Variants in SYNE1 observed in about 807,000 individuals in gnomAD.
SYNE1 encodes the protein spectrin repeat containing nuclear envelope protein 1.
A neutral mutation model predicts 1,111.0 loss-of-function variants in SYNE1; 616 were observed. The observed-to-expected ratio is 0.55, with a 90% CI of 0.52 to 0.59. SYNE1 has a LOEUF of 0.59. SYNE1 is among the 20% of genes least tolerant of loss of function. The pLI, the probability that SYNE1 is intolerant of heterozygous loss-of-function variation, is 0.00. For missense variants in SYNE1, 10,006 were observed against 10,417.0 expected (o/e 0.96, Z 1.72); for synonymous variants, 3,855 against 3,825.8 (o/e 1.01, Z -0.28).
Position 152,309,876 on chromosome 6 carries a change from GGCT to G in SYNE1, c.17158_17160del (p.Ser5720del). 6.2e-7 allele frequency: 1 copy of G among 1,614,012 alleles called. No individual in the cohort carries two copies. On this transcript the variant is annotated inframe_deletion, in exon 90 of 146. Transcript: ENST00000367255. ...TGCTGGATGGCGGTGTGCTGCAGCC[GGCT>G]GGCCTCTTCCTGCAGCCGCAGAGCA...
chr6:152,369,982 C>CAAAAAAAA lies in SYNE1; in HGVS notation c.9508-376_9508-369dup, dbSNP rs778013525. ...TGGGTGACAGAGGGTGACTCTGTCT[C>CAAAAAAAA]AAAAAAAAAAAAAAAAAAAAAAAAA... On this transcript the variant is annotated intron_variant, in intron 59 of 145. Transcript: ENST00000367255. Among the ~76,000 whole-genome samples, 29 of 49,962 alleles carry CAAAAAAAA rather than the reference C, an allele frequency of 5.8e-4. 1 individual carries two copies. The highest frequency in any genetic ancestry group is 8.2e-4 in the East Asian group (1 of 1,222). The allele number at this position is 49,962 out of a possible 152,430, so 32.8% of individuals were successfully genotyped here.
In SYNE1 at chr6:152,353,606, G is replaced by T; in HGVS notation, c.11065C>A (p.Leu3689Met). Reference protein sequence around the residue: ...ATQLTSRYQALLLQVLEQIKF... With the variant: ...ATQLTSRYQAMLLQVLEQIKF... ...CCACTCACCAGCACTTGGAGAAGCA[G>T]GGCCTGGTATCTGGAAGTCAGCTGG... The change falls in exon 68 of 146, where the codon CTG becomes ATG. Residue 3689 changes from leucine to methionine, a missense_variant. By Grantham distance (15) the Leu-to-Met change is conservative. This residue lies in a region of SYNE1 where 4,955 missense variants were observed against 5,017.2 expected (regional missense o/e 0.99). Transcript: ENST00000367255. 6.2e-7 allele frequency: 1 copy of T among 1,614,214 alleles called. No homozygotes were observed. Among genetic ancestry groups the T allele is most frequent in the Non-Finnish European group, 8.5e-7 (1 of 1,180,044 alleles).
intron 4 of SYNE1, among the ~76,000 whole-genome samples, chr6:152,536,764 T>C (rs952136501): frequency 6.6e-5 from 10 of 151,976 alleles, no homozygotes; most frequent in African/African-American, 2.4e-4. Context: ...AGATTCCAAT[T>C]AATTACTCAG....
At chr6:152,556,299 G>A (rs904124312) in intron 3 of SYNE1, among the ~76,000 whole-genome samples, 1 of 152,140 alleles carries the variant, frequency 6.6e-6, no homozygotes, top group African/African-American at 2.4e-5. Context: ...CCCTTCCCAA[G>A]CCTGTACTGC....
At chr6:152,525,174 C>T (rs1185034084) in intron 5 of SYNE1, among the ~76,000 whole-genome samples, 2 of 152,080 alleles carry the variant, frequency 1.3e-5, no homozygotes, top group African/African-American at 4.8e-5. Flanking sequence ...CAACAAACAA[C>T]TCTTACAAAA....
Position 152,318,971 on chromosome 6 carries a change from G to A in SYNE1, c.16281C>T (p.Ser5427=). The change falls in exon 85 of 146, where the codon AGC becomes AGT. Residue 5427 remains serine, a synonymous_variant. Transcript: ENST00000367255. ...TCTGAATTTGCCGGCTGAGTTCCTG[G>A]CTCGTGGCCTTGCTCTGCTCAACTT... ...IKEVEQSKAT[S]QELSRQIQKL... The A allele has an allele frequency of 6.2e-7, 1 of 1,614,192 alleles. No homozygotes were observed. The highest frequency in any genetic ancestry group is 1.1e-5 in the South Asian group (1 of 91,082).
In SYNE1 at chr6:152,138,745, C is replaced by G. The variant is rs546143474; in HGVS notation, c.25458+1205G>C. On this transcript the variant is annotated intron_variant, in intron 140 of 145. Transcript: ENST00000367255. ...TTAATACTGTCCAAACAGGAAAAAA[C>G]AAGCACTGATGGGTTTTAAAAAGAA... Among the ~76,000 whole-genome samples the G allele has an allele frequency of 2.6e-5, 4 of 152,120 alleles. No homozygotes were observed. The South Asian group carries it at 8.3e-4, about 32-fold the overall frequency.
rs140508714 is a variant in SYNE1, at chr6:152,369,580, C to T, written c.9542G>A (p.Ser3181Asn). 7.6e-4 allele frequency: 1,234 copies of T among 1,614,176 alleles called. 12 individuals carry two copies. In the African/African-American group the frequency reaches 0.015, roughly 20 times the overall value. The change falls in exon 60 of 146, where the codon AGT (serine) becomes AAT (asparagine). Residue 3181 changes from serine (S) to asparagine (N), a missense_variant. Physicochemically the swap from Ser to Asn is conservative, Grantham distance 46 (BLOSUM62 1). Transcript: ENST00000367255. ...LKIQMKDFEV[S>N]AEPIQDWLSK... ...CAGCCAGTCCTGGATAGGCTCAGCA[C>T]TTACTTCAAAGTCCTTCATTTGGAT... is the stretch of plus-strand genomic sequence containing the variant.
chr6:152,180,882 C>T (rs1198131634), intron 128 of SYNE1, among the ~76,000 whole-genome samples: 1 of 152,052 alleles, frequency 6.6e-6, no homozygotes, highest in Non-Finnish European at 1.5e-5. Context: ...GCAAGTTCCT[C>T]TACTTCTCTG....
rs2097217707 is a variant in SYNE1 at position 152,373,183 on chromosome 6, G to A, written c.9361C>T (p.Leu3121=). 1.2e-6 allele frequency: 2 copies of A among 1,613,562 alleles called. No individual in the cohort carries two copies. The highest frequency in any genetic ancestry group is 2.7e-5 in the African/African-American group (2 of 74,986). Residue 3121 remains leucine, a synonymous_variant, in exon 59 of 146, where the codon CTA becomes TTA. Coordinates refer to ENST00000367255, the MANE Select transcript of SYNE1 (RefSeq NM_182961.4). The stretch of plus-strand genomic sequence containing the variant: ...TCCCCTTTAGACAGCATCATGTTTA[G>A]CTTGTGCTGTCCATTTTCACTTTCT... ...LSESENGQHK[L]NMMLSKGELL...
intron 2 of SYNE1, among the ~76,000 whole-genome samples, chr6:152,629,122 T>C (rs1030103098): frequency 6.6e-6 from 1 of 152,136 alleles, no homozygotes; most frequent in Non-Finnish European, 1.5e-5. Flanking sequence ...TTCCTCCCTA[T>C]GTATAAAGAC....
chr6:152,122,427 C>A lies in SYNE1; in HGVS notation c.*9G>T. The stretch of plus-strand genomic sequence containing the variant: ...CTACCAGCACTTCTGCAGATGGCAT[C>A]TGCTTAGTTCAGAGTGGAGGAGGGC... On this transcript the variant is annotated 3_prime_UTR_variant, in exon 146 of 146. Transcript: ENST00000367255. The A allele has an allele frequency of 6.2e-7, 1 of 1,614,110 alleles. No individual in the cohort carries two copies. The highest frequency in any genetic ancestry group is 8.5e-7 in the Non-Finnish European group (1 of 1,180,048).
chr6:152,374,046 A>G (rs1399449406), intron 58 of SYNE1, among the ~76,000 whole-genome samples: 2 of 152,220 alleles, frequency 1.3e-5, no homozygotes, highest in Non-Finnish European at 2.9e-5. Flanking sequence ...TCTTATTCAA[A>G]TAAATGCTAT....
chr6:152,434,049 G>A (rs771477984), intron 33 of SYNE1, 104 bp from the exon 34 acceptor site: 4 of 1,110,414 alleles, frequency 3.6e-6, no homozygotes, highest in Non-Finnish European at 5.2e-6. Flanking sequence ...AGACATTTGT[G>A]ACCATTTCAA....
rs1287117912 is a variant in SYNE1, at chr6:152,135,134, C to G, written c.25758G>C (p.Glu8586Asp). ...IVPIDSNLDA[E>D]ILQDHHKQLM... ...GCTGTTTGTGATGGTCCTGAAGTAT[C>G]TCTGCATCAAGGTTAGAATCAATAG... The change falls in exon 142 of 146, where the codon GAG becomes GAC. Residue 8586 changes from glutamate to aspartate, a missense_variant. By Grantham distance (45) the Glu-to-Asp change is conservative. Coordinates refer to ENST00000367255, the MANE Select transcript of SYNE1 (RefSeq NM_182961.4). 6 of 1,614,026 alleles carry G rather than the reference C, an allele frequency of 3.7e-6. No individual in the cohort carries two copies. The highest frequency in any genetic ancestry group is 1.3e-5 in the African/African-American group (1 of 74,940).
At chr6:152,543,913 T>G (rs1295837000) in intron 3 of SYNE1, among the ~76,000 whole-genome samples, 1 of 152,226 alleles carries the variant, frequency 6.6e-6, no homozygotes, top group Non-Finnish European at 1.5e-5. Flanking sequence ...GTCTATACCC[T>G]CTAGGTTTGC....
Position 152,396,857 on chromosome 6 carries a change from C to A in SYNE1, c.7474G>T (p.Ala2492Ser), listed in dbSNP as rs761396972. 9.3e-6 allele frequency: 15 copies of A among 1,614,116 alleles called. No individual in the cohort carries two copies. The Admixed American group carries it at 2.3e-4, about 25-fold the overall frequency. ...AGAAATGCTTGAAACTCTTCATTGG[C>A]CTTTGTGATTTGTTCTTGAATGCTA... Reference protein sequence around the residue: ...VSSIQEQITKANEEFQAFLKQ... With the variant: ...VSSIQEQITKSNEEFQAFLKQ... The change falls in exon 50 of 146, where the codon GCC (alanine) becomes TCC (serine). Residue 2492 changes from alanine (A) to serine (S), a missense_variant. Ala to Ser is a moderately conservative substitution (Grantham distance 99, BLOSUM62 1). Transcript: ENST00000367255.
intron 128 of SYNE1, among the ~76,000 whole-genome samples, chr6:152,184,538 G>C (rs142910503): frequency 6.6e-6 from 1 of 151,562 alleles, no homozygotes; most frequent in East Asian, 1.9e-4. Flanking sequence ...TATTATACAT[G>C]ACTACAGGGC....
At chr6:152,283,388 C>T (rs952321119) in intron 96 of SYNE1, among the ~76,000 whole-genome samples, 4 of 152,144 alleles carry the variant, frequency 2.6e-5, no homozygotes, top group African/African-American at 9.7e-5. Context: ...TACAATTATT[C>T]TTCACAAGGC....
Sources: allele counts gnomAD v4.1 joint callset (sites outside exome capture counted in the v4.1 genomes callset), GRCh38; gene constraint gnomAD v4.1.1; regional missense constraint gnomAD v4.1.1; transcripts MANE v1.5; gene names NCBI Gene and HGNC (gene_info 2026-07-23, HGNC 2026-07-21).